MYO1B: variants seen among roughly 807,000 people sequenced by gnomAD.
MYO1B encodes myosin IB.
MYO1B carries 72 observed loss-of-function variants against 159.7 expected under a neutral mutation model. The ratio of observed to expected loss-of-function variants is 0.45; its 90% CI spans 0.37 to 0.55. MYO1B has a LOEUF of 0.55. Among genes scored for constraint, MYO1B ranks in the 20% least tolerant of loss-of-function variants. The probability of loss-of-function intolerance (pLI) is 0.00; values close to 1 mark genes in which losing one functional copy is unlikely to be tolerated. For missense variants in MYO1B, 1,062 were observed against 1,364.8 expected, an observed-to-expected ratio of 0.78 and a Z score of 3.50; for synonymous variants, 468 against 473.8, an observed-to-expected ratio of 0.99 and a Z score of 0.16.
At chr2:191,410,973 T>TAA in intron 26 of MYO1B, 93 bp from the exon 27 acceptor site, 1 of 702,594 alleles carries the variant, frequency 1.4e-6, no homozygotes, top group South Asian at 2.5e-5. Context: ...TCCCTTATTC[T>TAA]TGTTGCTGAT....
chr2:191,410,298 T>C lies in MYO1B; in HGVS notation c.2767-768T>C, dbSNP rs141904621. On this transcript the variant is annotated intron_variant, in intron 26 of 30. Transcript: ENST00000392318. ...TTTATTCCTGAAGGGAGCCTTTCCA[T>C]GGAAAGGGTCAGCAGCAATGCTCAC... Among the ~76,000 whole-genome samples, 369 of 152,216 alleles carry C rather than the reference T, an allele frequency of 2.4e-3. 5 individuals carry two copies. The highest frequency in any genetic ancestry group is 6.6e-4 in the Non-Finnish European group (45 of 68,016).
At chr2:191,286,005 T>G (rs1019174783) in intron 2 of MYO1B, among the ~76,000 whole-genome samples, 1 of 152,228 alleles carries the variant, frequency 6.6e-6, no homozygotes, top group Non-Finnish European at 1.5e-5. Context: ...TAGTCTTTGA[T>G]GCAGAGCTTT....
chr2:191,367,286 G>A (rs1442255760), intron 11 of MYO1B, among the ~76,000 whole-genome samples: 3 of 152,128 alleles, frequency 2.0e-5, no homozygotes, highest in African/African-American at 7.2e-5. Flanking sequence ...GTGGCACATT[G>A]GCAGCCAGGT....
chr2:191,412,839 G>C (rs1697330543), intron 27 of MYO1B, among the ~76,000 whole-genome samples: 1 of 46,172 alleles, frequency 2.2e-5, no homozygotes, highest in African/African-American at 3.0e-5. Context: ...AAATTAGTTT[G>C]TTTGGGAAAA....
At chr2:191,275,772 T>G (rs1056439311) in intron 1 of MYO1B, among the ~76,000 whole-genome samples, 18 of 152,320 alleles carry the variant, frequency 1.2e-4, no homozygotes, top group Admixed American at 3.3e-4. Context: ...TTAGAAACAT[T>G]TAGAGAGAAT....
intron 11 of MYO1B, among the ~76,000 whole-genome samples, chr2:191,367,905 C>A (rs1346080161): frequency 6.6e-6 from 1 of 152,144 alleles, no homozygotes; most frequent in South Asian, 2.1e-4. Context: ...TTTAAGAAAG[C>A]AAAAACTAGA....
In MYO1B at chr2:191,390,436, A is replaced by G. The variant is rs759679213; in HGVS notation, c.1926A>G (p.Leu642=). 6.2e-7 allele frequency: 1 copy of G among 1,614,254 alleles called. No individual in the cohort carries two copies. The highest frequency in any genetic ancestry group is 8.5e-7 in the Non-Finnish European group (1 of 1,180,034). The change falls in exon 18 of 31, where the codon CTA becomes CTG. Residue 642 remains leucine (L), a synonymous_variant. Transcript: ENST00000392318. ...TCAGGCAGGCCTATGAACCTTGCCT[A>G]GAAAGATACAAAATGCTTTGTAAAC... ...YAFRQAYEPC[L]ERYKMLCKQT...
intron 13 of MYO1B, among the ~76,000 whole-genome samples, chr2:191,374,210 T>TG (rs1267415401): frequency 6.6e-6 from 1 of 152,172 alleles, no homozygotes; most frequent in African/African-American, 2.4e-5. Flanking sequence ...TACTGCAAGT[T>TG]GAAGTACAAG....
chr2:191,363,109 A>G (rs1487366537), intron 9 of MYO1B, among the ~76,000 whole-genome samples: 1 of 152,238 alleles, frequency 6.6e-6, no homozygotes, highest in Non-Finnish European at 1.5e-5. Context: ...GCTGTTCTCA[A>G]AAAGAAAGTA....
chr2:191,275,246 T>A (rs772148371), intron 1 of MYO1B, among the ~76,000 whole-genome samples: 17 of 152,178 alleles, frequency 1.1e-4, no homozygotes, highest in Non-Finnish European at 2.4e-4. Flanking sequence ...CTTAAAATTA[T>A]AAAAAACATA....
At position 191,413,532 on chromosome 2, in the gene MYO1B, A is replaced by G. The variant is rs181419348; in HGVS notation, c.2874-516A>G. On this transcript the variant is annotated intron_variant, in intron 27 of 30. Coordinates refer to ENST00000392318, the MANE Select transcript of MYO1B (RefSeq NM_001130158.3). ...TGTTCTATAGTTTTCTTCTAAAGTG[A>G]TTGCCCTGGATCTGTTCTTTCCCAG... Among the ~76,000 whole-genome samples the G allele has an allele frequency of 2.4e-4, 37 of 152,274 alleles. No homozygotes were observed. In the East Asian group the frequency reaches 6.9e-3, roughly 29 times the overall value.
intron 13 of MYO1B, 140 bp from the exon 14 acceptor site, chr2:191,381,322 C>G: frequency 1.4e-6 from 1 of 725,966 alleles, no homozygotes; most frequent in Non-Finnish European, 2.5e-6. Flanking sequence ...AGCGTCTGTC[C>G]TAGGAGCCGT....
chr2:191,338,141 G>GA (rs57422075), intron 4 of MYO1B, among the ~76,000 whole-genome samples: 9 of 149,856 alleles, frequency 6.0e-5, no homozygotes, highest in Admixed American at 2.0e-4. Flanking sequence ...TATATGTCAG[G>GA]AAAAAAAAAA....
chr2:191,359,614 T>A (rs1455703335), intron 7 of MYO1B, among the ~76,000 whole-genome samples: 1 of 152,150 alleles, frequency 6.6e-6, no homozygotes, highest in Non-Finnish European at 1.5e-5. Flanking sequence ...CAAATGCTGG[T>A]GTAGGTTCCA....
chr2:191,297,548 AGAT>A (rs1689059698), intron 3 of MYO1B, among the ~76,000 whole-genome samples: 1 of 152,228 alleles, frequency 6.6e-6, no homozygotes, highest in African/African-American at 2.4e-5. Flanking sequence ...CTCTCAAAAC[AGAT>A]GATATGCTGA....
chr2:191,335,280 A>G (rs1359607600), intron 4 of MYO1B, among the ~76,000 whole-genome samples: 4 of 152,142 alleles, frequency 2.6e-5, no homozygotes, highest in African/African-American at 4.8e-5. Context: ...CTGTAGACAT[A>G]CAGTGGTTTG....
chr2:191,247,933 A>G (rs956343691), intron 1 of MYO1B: 60 of 985,304 alleles, frequency 6.1e-5, no homozygotes, highest in Non-Finnish European at 7.1e-5. Context: ...GTTAAAGACT[A>G]ACTTACCCTG....
intron 26 of MYO1B, among the ~76,000 whole-genome samples, 154 bp from the exon 27 acceptor site, chr2:191,410,912 C>T (rs895463046): frequency 6.6e-6 from 1 of 152,152 alleles, no homozygotes; most frequent in African/African-American, 2.4e-5. Flanking sequence ...TTTTTAAAAC[C>T]CACAAGGGAA....
At chr2:191,264,556 T>C (rs1464409647) in intron 1 of MYO1B, among the ~76,000 whole-genome samples, 1 of 152,014 alleles carries the variant, frequency 6.6e-6, no homozygotes, top group Non-Finnish European at 1.5e-5. Context: ...TAACCATGTA[T>C]TGTAAACACA....
Sources: gnomAD v4.1 joint callset for allele counts (sites outside exome capture counted in the v4.1 genomes callset) on GRCh38, gnomAD v4.1.1 for gene constraint, MANE v1.5 for transcripts, NCBI Gene and HGNC (gene_info 2026-07-23, HGNC 2026-07-21) for gene names.